The following IPO5 variants were observed in gnomAD, a reference collection of about 807,000 sequenced individuals.
IPO5 encodes importin 5.
In IPO5, 18 loss-of-function variants were observed where a neutral mutation model predicts 143.3. That is an observed-to-expected ratio of 0.13 (90% CI 0.09 to 0.19). IPO5 has a LOEUF of 0.19. Among genes scored for constraint, IPO5 ranks in the 10% least tolerant of loss-of-function variants. The probability of loss-of-function intolerance (pLI) is 1.00; values close to 1 mark genes in which losing one functional copy is unlikely to be tolerated. For synonymous variants in IPO5, 477 were observed against 465.7 expected (o/e 1.02, Z -0.31); for missense variants, 1,013 against 1,336.9 (o/e 0.76, Z 3.78).
rs758613534 is a variant in IPO5, at chr13:97,982,503, G to A, written c.91G>A (p.Glu31Lys). 3 of 1,599,558 alleles carry A rather than the reference G, an allele frequency of 1.9e-6. No homozygotes were observed. Among genetic ancestry groups the A allele is most frequent in the Non-Finnish European group, 2.6e-6 (3 of 1,173,528 alleles). ...TAACCATTTTTTTTTTTCCATGCAG[G>A]AAACCTATGAGAATATCCCAGGCCA... The part of the protein sequence containing the change: ...PDNVVRKQAE[E>K]TYENIPGQSK... The change falls in exon 5 of 29, where the codon GAA becomes AAA. Residue 31 changes from glutamate (E) to lysine (K), a missense_variant and splice_region_variant. By Grantham distance (56) the Glu-to-Lys change is moderately conservative (BLOSUM62 1). Coordinates refer to ENST00000651721, the MANE Select transcript of IPO5 (RefSeq NM_002271.6).
At chr13:98,015,430 G>C in intron 22 of IPO5, 100 bp from the exon 23 acceptor site, 1 of 687,628 alleles carries the variant, frequency 1.5e-6, no homozygotes, top group African/African-American at 1.8e-5. Flanking sequence ...CCAGGATACT[G>C]AACTGTGTTC....
chr13:97,995,413 T>C (rs902898190), intron 11 of IPO5, among the ~76,000 whole-genome samples: 6 of 151,842 alleles, frequency 4.0e-5, no homozygotes, highest in African/African-American at 1.5e-4. Flanking sequence ...GAGTTGAGAA[T>C]ATAACTGGTT....
chr13:98,012,801 A>ATTTTTTTTTTTTTG (rs1889815853), intron 21 of IPO5, among the ~76,000 whole-genome samples: 2 of 109,158 alleles, frequency 1.8e-5, no homozygotes, highest in African/African-American at 6.8e-5. Context: ...GCTAGATTTG[A>ATTTTTTTTTTTTTG]TTTTTTTTTT....
chr13:97,973,149 TCTCCTGC>T, intron 3 of IPO5, among the ~76,000 whole-genome samples: 1 of 151,266 alleles, frequency 6.6e-6, no homozygotes, highest in South Asian at 2.1e-4. Context: ...TTCAAGCGAT[TCTCCTGC>T]CTCAGCCTCC....
At chr13:97,962,416 C>A (rs1884965539) in intron 2 of IPO5, among the ~76,000 whole-genome samples, 1 of 152,178 alleles carries the variant, frequency 6.6e-6, no homozygotes, top group Non-Finnish European at 1.5e-5. Flanking sequence ...ATGGGTCCAG[C>A]TTCATTCTAA....
rs184350190 is a variant in IPO5 at position 98,017,302 on chromosome 13, A to T, written c.2616+451A>T. 3.0e-3 allele frequency among the ~76,000 whole-genome samples: 447 copies of T among 150,460 alleles called. 1 individual carries two copies. The highest frequency in any genetic ancestry group is 5.3e-3 in the African/African-American group (216 of 41,002). ...TCTCACCCTTATATTTGATTTTTTT[A>T]AAATGTTTTATAGACTTCTTTTTGT... is the stretch of plus-strand genomic sequence containing the variant. On this transcript the variant is annotated intron_variant, in intron 25 of 28. Coordinates refer to ENST00000651721, the MANE Select transcript of IPO5 (RefSeq NM_002271.6).
intron 21 of IPO5, among the ~76,000 whole-genome samples, chr13:98,012,942 G>A (rs1412399553): frequency 6.6e-6 from 1 of 151,714 alleles, no homozygotes; most frequent in Non-Finnish European, 1.5e-5. Context: ...ACTGTGCCTG[G>A]CAAGACCTGT....
chr13:98,010,164 G>A lies in IPO5; in HGVS notation c.1995G>A (p.Gln665=). 6.2e-7 allele frequency: 1 copy of A among 1,614,084 alleles called. No individual in the cohort carries two copies. Among genetic ancestry groups the A allele is most frequent in the Non-Finnish European group, 8.5e-7 (1 of 1,179,934 alleles). ...GGGAATTTGTGAACCTTGGAGATCA[G>A]CAAAGCTTTGGTATTAAAACTGCAG... ...DGWEFVNLGD[Q]QSFGIKTAGL... The change falls in exon 20 of 29, where the codon CAG becomes CAA. Residue 665 remains glutamine, a synonymous_variant. Transcript: ENST00000651721.
At chr13:97,970,091 A>G (rs1938652464) in intron 3 of IPO5, among the ~76,000 whole-genome samples, 1 of 152,220 alleles carries the variant, frequency 6.6e-6, no homozygotes, top group Admixed American at 6.5e-5. Flanking sequence ...GCACTGCCCA[A>G]TCGAAATATA....
At chr13:97,990,687 A>AAT in intron 9 of IPO5, 150 bp downstream of exon 9, 1 of 500,162 alleles carries the variant, frequency 2.0e-6, no homozygotes, top group Middle Eastern at 5.0e-4. Flanking sequence ...AGTCTCCATT[A>AAT]AGCTTATGTT....
At chr13:98,012,484 G>T in intron 21 of IPO5, 142 bp downstream of exon 21, 1 of 603,478 alleles carries the variant, frequency 1.7e-6, no homozygotes. Flanking sequence ...TGATAAACTC[G>T]GTTCTCTGCA....
In IPO5 at chr13:97,990,498, G is replaced by T. The variant is rs1255981627; in HGVS notation, c.630G>T (p.Leu210=). ...TTGCAAATGAGCATAATGTTGCTCT[G>T]TTCAAACATTTTGCAGACTTGCTAC... is the stretch of plus-strand genomic sequence containing the variant. The part of the protein sequence containing the change: ...FILANEHNVA[L]FKHFADLLPG... Residue 210 remains leucine (L), a synonymous_variant, in exon 9 of 29, where the codon CTG becomes CTT. Coordinates refer to ENST00000651721, the MANE Select transcript of IPO5 (RefSeq NM_002271.6). 5 of 1,603,240 alleles carry T rather than the reference G, an allele frequency of 3.1e-6. No individual in the cohort carries two copies. Among genetic ancestry groups the T allele is most frequent in the South Asian group, 2.3e-5 (2 of 88,294 alleles).
chr13:97,986,360 A>AT lies in IPO5; in HGVS notation c.364+759dup, dbSNP rs1555306392. On this transcript the variant is annotated intron_variant, in intron 6 of 28. Coordinates refer to ENST00000651721, the MANE Select transcript of IPO5 (RefSeq NM_002271.6). ...ACGTAGCTATACTATGTATATATAT[A>AT]TTTTTTTTTTTTGAGACGGAGTTTC... 1.8e-3 allele frequency among the ~76,000 whole-genome samples: 248 copies of AT among 141,384 alleles called. 1 individual carries two copies. The highest frequency in any genetic ancestry group is 2.0e-3 in the Non-Finnish European group (130 of 64,610). 92.8% of individuals were successfully genotyped at this position (141,384 alleles called of 152,430 possible).
chr13:98,015,474 T>C, intron 22 of IPO5, 56 bp from the exon 23 acceptor site: 2 of 939,988 alleles, frequency 2.1e-6, no homozygotes, highest in Non-Finnish European at 3.3e-6. Flanking sequence ...GAGTTTAACT[T>C]TGGACTCCAA....
chr13:97,953,811 T>G (rs1006322092), intron 1 of IPO5, 95 bp downstream of exon 1: 3 of 414,684 alleles, frequency 7.2e-6, no homozygotes, highest in Non-Finnish European at 1.4e-5. Context: ...GGGAAAGAGT[T>G]TCCCTGTGAG....
intron 16 of IPO5, among the ~76,000 whole-genome samples, chr13:98,004,306 C>G (rs931300078): frequency 1.3e-5 from 2 of 152,200 alleles, no homozygotes; most frequent in African/African-American, 4.8e-5. Flanking sequence ...TGCAATGTCT[C>G]AGAAGCCAAA....
In IPO5 at chr13:98,015,786, G is replaced by A; in HGVS notation, c.2493+5G>A. ...GAAGAGTCACTACAAGATGAGGTAA[G>A]TTATTCCCTTTGGAACTTACTTACG... is the stretch of plus-strand genomic sequence containing the variant. On this transcript the variant is annotated splice_donor_5th_base_variant and intron_variant, in intron 24 of 28. Coordinates refer to ENST00000651721, the MANE Select transcript of IPO5 (RefSeq NM_002271.6). The A allele has an allele frequency of 6.3e-7, 1 of 1,593,340 alleles. No homozygotes were observed. The highest frequency in any genetic ancestry group is 8.6e-7 in the Non-Finnish European group (1 of 1,169,384).
At chr13:97,967,902 A>G (rs1251130850) in intron 2 of IPO5, among the ~76,000 whole-genome samples, 1 of 152,098 alleles carries the variant, frequency 6.6e-6, no homozygotes, top group Non-Finnish European at 1.5e-5. Flanking sequence ...ATATGCTGGG[A>G]TTACAGGCAT....
At chr13:97,992,208 G>C (rs74434782) in intron 9 of IPO5, among the ~76,000 whole-genome samples, 1 of 152,110 alleles carries the variant, frequency 6.6e-6, no homozygotes, top group East Asian at 1.9e-4. Context: ...TTCTTCCTCT[G>C]GATTTAGAGT....
Sources: allele counts gnomAD v4.1 joint callset (sites outside exome capture counted in the v4.1 genomes callset), GRCh38; gene constraint gnomAD v4.1.1; transcripts MANE v1.5; gene names NCBI Gene and HGNC (gene_info 2026-07-23, HGNC 2026-07-21).